Variants in PRIM2 observed in about 807,000 individuals in gnomAD.
PRIM2 encodes DNA primase subunit 2.
Under a neutral mutation model 67.3 loss-of-function variants are expected in PRIM2, and 39 were observed. The observed-to-expected ratio is 0.58, with a 90% confidence interval of 0.45 to 0.76. PRIM2 has a LOEUF of 0.76. PRIM2 is among the 30% of genes least tolerant of loss of function. PRIM2 has a pLI of 0.00. For missense variants in PRIM2, 398 were observed against 598.7 expected (o/e 0.66, Z 3.50); for synonymous variants, 143 against 198.7 (o/e 0.72, Z 2.36).
At chr6:57,251,035 A>T in the PRIM2 span, among the ~76,000 whole-genome samples, 1 of 152,152 alleles carries the variant, frequency 6.6e-6, no homozygotes, top group Non-Finnish European at 1.5e-5. Flanking sequence ...AGGATACTCA[A>T]CCTGTAGTTG....
the PRIM2 span, among the ~76,000 whole-genome samples, chr6:57,261,630 C>T: frequency 3.9e-5 from 6 of 152,212 alleles, no homozygotes; most frequent in Non-Finnish European, 7.3e-5. Context: ...TTCCAGGAGT[C>T]TCTAATTCCT....
upstream of PRIM2, among the ~76,000 whole-genome samples, chr6:57,316,440 A>G (rs1767485931): frequency 1.3e-5 from 2 of 152,116 alleles, no homozygotes; most frequent in Non-Finnish European, 2.9e-5. Flanking sequence ...GGGGGGAATA[A>G]CCTATCTTAT....
At chr6:57,280,022 G>A in the PRIM2 span, among the ~76,000 whole-genome samples, 3 of 152,160 alleles carry the variant, frequency 2.0e-5, no homozygotes, top group Admixed American at 1.3e-4. Context: ...GCTGAAGAGA[G>A]AGACAGACCA....
chr6:57,618,027 A>G (rs1195878247), intron 12 of PRIM2, among the ~76,000 whole-genome samples: 1 of 152,212 alleles, frequency 6.6e-6, no homozygotes, highest in Non-Finnish European at 1.5e-5. Context: ...CACCCTTGTC[A>G]AAACTCATTT....
the PRIM2 span, among the ~76,000 whole-genome samples, chr6:57,224,193 T>C: frequency 6.6e-6 from 1 of 152,052 alleles, no homozygotes; most frequent in African/African-American, 2.4e-5. Context: ...CCCAGCTACT[T>C]AGGAGGCTGA....
chr6:57,435,827 T>C (rs1368255145), intron 7 of PRIM2, among the ~76,000 whole-genome samples: 1 of 152,144 alleles, frequency 6.6e-6, no homozygotes, highest in Non-Finnish European at 1.5e-5. Flanking sequence ...CTCATTCCAA[T>C]GTGCACAGGT....
At chr6:57,242,987 C>G in the PRIM2 span, among the ~76,000 whole-genome samples, 3 of 152,226 alleles carry the variant, frequency 2.0e-5, no homozygotes, top group Non-Finnish European at 2.9e-5. Context: ...AACCCATGTT[C>G]TCCAATTCGA....
At chr6:57,542,991 T>G (rs1221956848) in intron 10 of PRIM2, among the ~76,000 whole-genome samples, 1 of 129,294 alleles carries the variant, frequency 7.7e-6, no homozygotes, top group Non-Finnish European at 1.6e-5. Flanking sequence ...CAGGCTGGAG[T>G]GCAGTGGCGC....
the PRIM2 span, among the ~76,000 whole-genome samples, chr6:57,304,520 C>T: frequency 6.6e-6 from 1 of 152,156 alleles, no homozygotes; most frequent in Admixed American, 6.5e-5. Flanking sequence ...GGAGAAAGCA[C>T]AAAACAACAT....
chr6:57,383,534 T>C (rs1770030813), intron 7 of PRIM2: 2 of 145,032 alleles, frequency 1.4e-5, no homozygotes, highest in South Asian at 2.1e-4. Context: ...GGCTAAAAAG[T>C]ATGAGTTCTT....
At chr6:57,343,209 C>T (rs927484784) in intron 5 of PRIM2, among the ~76,000 whole-genome samples, 1 of 152,114 alleles carries the variant, frequency 6.6e-6, no homozygotes, top group African/African-American at 2.4e-5. Context: ...GTTTTTTGAT[C>T]ATTTTGGCCC....
intron 10 of PRIM2, among the ~76,000 whole-genome samples, chr6:57,575,906 A>T (rs1469941428): frequency 9.9e-5 from 15 of 151,888 alleles, no homozygotes; most frequent in Admixed American, 9.2e-4. Flanking sequence ...AGCCTCCCAG[A>T]TTGCTGGGAT....
At chr6:57,243,729 C>T in the PRIM2 span, among the ~76,000 whole-genome samples, 2 of 152,172 alleles carry the variant, frequency 1.3e-5, no homozygotes, top group Non-Finnish European at 2.9e-5. Context: ...CCCGCCTCGG[C>T]CTCCCGAAGT....
chr6:57,441,091 C>A (rs1268100091), intron 7 of PRIM2, among the ~76,000 whole-genome samples: 2 of 152,132 alleles, frequency 1.3e-5, no homozygotes, highest in Non-Finnish European at 2.9e-5. Flanking sequence ...GAGTCAGTGA[C>A]GTTGTGCTGA....
intron 5 of PRIM2, among the ~76,000 whole-genome samples, chr6:57,374,743 A>C (rs1237240282): frequency 6.6e-6 from 1 of 152,060 alleles, no homozygotes; most frequent in Non-Finnish European, 1.5e-5. Context: ...GGTGTGTGCC[A>C]CCATGTCCGG....
intron 7 of PRIM2, among the ~76,000 whole-genome samples, chr6:57,495,256 A>G (rs1350086151): frequency 2.0e-5 from 3 of 152,226 alleles, no homozygotes; most frequent in African/African-American, 7.2e-5. Flanking sequence ...ACTAAACCGA[A>G]TGAGTCCAAA....
At chr6:57,472,982 G>C (rs1773375309) in intron 7 of PRIM2, among the ~76,000 whole-genome samples, 2 of 152,112 alleles carry the variant, frequency 1.3e-5, no homozygotes, top group Non-Finnish European at 2.9e-5. Context: ...GTTGCATGTG[G>C]TGCATCCCAC....
At chr6:57,621,699 T>G (rs1413555894) in intron 12 of PRIM2, among the ~76,000 whole-genome samples, 1 of 152,168 alleles carries the variant, frequency 6.6e-6, no homozygotes, top group South Asian at 2.1e-4. Flanking sequence ...TTTAAATCAT[T>G]TGAGAAAAAA....
At chr6:57,611,862 T>C (rs1776673113) in intron 12 of PRIM2, among the ~76,000 whole-genome samples, 2 of 151,948 alleles carry the variant, frequency 1.3e-5, no homozygotes, top group African/African-American at 4.8e-5. Flanking sequence ...TCATAAAAGA[T>C]GTGAATCCAA....
Sources: gnomAD v4.1 joint callset for allele counts (sites outside exome capture counted in the v4.1 genomes callset) on GRCh38, gnomAD v4.1.1 for gene constraint, MANE v1.5 for transcripts, NCBI Gene and HGNC (gene_info 2026-07-23, HGNC 2026-07-21) for gene names.